Variants in TMC7 observed in about 807,000 individuals in gnomAD.
TMC7 encodes the protein transmembrane channel-like protein 7.
Under a neutral mutation model 82.9 loss-of-function variants are expected in TMC7, and 54 were observed. The observed-to-expected ratio is 0.65, with a 90% CI of 0.52 to 0.82. The LOEUF (loss-of-function observed/expected upper bound fraction) is 0.82. Ranked by LOEUF, TMC7 falls within the 40% of genes least tolerant of loss-of-function variation. The pLI is 0.00. For missense variants in TMC7, 820 were observed against 901.2 expected, an observed-to-expected ratio of 0.91 and a Z score of 1.15; for synonymous variants, 350 against 337.9, an observed-to-expected ratio of 1.04 and a Z score of -0.39.
At chr16:19,037,572 G>A (rs1960813468) in intron 7 of TMC7, among the ~76,000 whole-genome samples, 1 of 150,630 alleles carries the variant, frequency 6.6e-6, no homozygotes, top group Admixed American at 6.7e-5. Context: ...CCGGGCTCAA[G>A]CAATCTTCCA....
chr16:19,036,818 CAAAT>C (rs1246689643), intron 7 of TMC7, among the ~76,000 whole-genome samples: 1 of 151,788 alleles, frequency 6.6e-6, no homozygotes. Flanking sequence ...GAGGAGGGGA[CAAAT>C]AAATCAAAAG....
intron 12 of TMC7, chr16:19,049,593 T>A: frequency 2.0e-6 from 2 of 985,068 alleles, no homozygotes; most frequent in Non-Finnish European, 2.4e-6. Context: ...CACAGGAACT[T>A]TTTTTTCCCT....
intron 2 of TMC7, among the ~76,000 whole-genome samples, chr16:19,013,232 T>C (rs1454172214): frequency 6.6e-6 from 1 of 152,018 alleles, no homozygotes; most frequent in Non-Finnish European, 1.5e-5. Context: ...TATTTATTTA[T>C]TTTTAGACGG....
At chr16:19,003,386 G>T (rs1483469483) in intron 1 of TMC7, among the ~76,000 whole-genome samples, 1 of 146,648 alleles carries the variant, frequency 6.8e-6, no homozygotes, top group African/African-American at 2.6e-5. Flanking sequence ...CCGGCCAGCC[G>T]CCCCGTCCGG....
At chr16:18,984,343 C>G in intron 1 of TMC7, 1 of 1,297,358 alleles carries the variant, frequency 7.7e-7, no homozygotes, top group South Asian at 2.3e-5. Flanking sequence ...TGGAACCCAG[C>G]CGGGCCAAAA....
chr16:18,999,695 G>A (rs1455927915), intron 1 of TMC7, among the ~76,000 whole-genome samples: 3 of 152,202 alleles, frequency 2.0e-5, no homozygotes, highest in African/African-American at 7.2e-5. Flanking sequence ...CACTGGCTTT[G>A]GAGGGCTTCT....
At chr16:19,032,849 G>A (rs143263191) in intron 6 of TMC7, among the ~76,000 whole-genome samples, 2,674 of 152,220 alleles carry the variant, frequency 0.018, 78 homozygotes, top group African/African-American at 0.061. Context: ...GGCTGGTCTC[G>A]AACTTCTGAC....
In TMC7 at chr16:19,056,687, A is replaced by C. The variant is rs1230596833; in HGVS notation, c.2017A>C (p.Met673Leu). 13 of 1,613,700 alleles carry C rather than the reference A, an allele frequency of 8.1e-6. No individual in the cohort carries two copies. The highest frequency in any genetic ancestry group is 1.1e-5 in the Non-Finnish European group (13 of 1,179,908). The change falls in exon 14 of 16, where the codon ATG becomes CTG. Residue 673 changes from methionine (M) to leucine (L), a missense_variant. Around this residue, in one of 2 missense-constraint regions of TMC7, gnomAD observed 170 missense variants for 231.3 expected, o/e 0.74. Transcript: ENST00000304381. ...TSEAFAVPFF[M>L]IICLIMFYFI... is the part of the protein sequence containing the mutation. ...CGAAGCCTTTGCAGTTCCTTTCTTC[A>C]TGATTATTTGGTGAGTGAGAACCAC...
chr16:19,022,434 A>G (rs1472250268), intron 4 of TMC7, among the ~76,000 whole-genome samples: 1 of 152,202 alleles, frequency 6.6e-6, no homozygotes, highest in African/African-American at 2.4e-5. Flanking sequence ...TAAGATTATA[A>G]TACTGGATTT....
At chr16:19,028,381 T>TA (rs11367912) in intron 5 of TMC7, among the ~76,000 whole-genome samples, 1 of 151,134 alleles carries the variant, frequency 6.6e-6, no homozygotes, top group Non-Finnish European at 1.5e-5. Context: ...CTTTTTTATT[T>TA]AAAAAAAAAG....
intron 15 of TMC7, chr16:19,059,720 A>G: frequency 6.6e-7 from 1 of 1,511,870 alleles, no homozygotes; most frequent in Admixed American, 2.0e-5. Flanking sequence ...TCATGCCTGT[A>G]ATCCCAGCAC....
chr16:19,004,151 C>G (rs1251316119), intron 1 of TMC7, among the ~76,000 whole-genome samples: 1 of 151,528 alleles, frequency 6.6e-6, no homozygotes, highest in Non-Finnish European at 1.5e-5. Context: ...GTGTTATATG[C>G]AAACGAGGGG....
intron 2 of TMC7, among the ~76,000 whole-genome samples, chr16:19,015,380 G>T (rs564259659): frequency 6.6e-6 from 1 of 151,964 alleles, no homozygotes; most frequent in East Asian, 1.9e-4. Context: ...TCCTGCCTCA[G>T]CCTCCCAAAG....
At chr16:19,002,566 C>G (rs1009251427) in intron 1 of TMC7, among the ~76,000 whole-genome samples, 2 of 152,104 alleles carry the variant, frequency 1.3e-5, no homozygotes, top group Non-Finnish European at 2.9e-5. Flanking sequence ...GAGCAAGACA[C>G]CGCTTTTAAG....
chr16:19,027,107 G>T (rs1467138310), intron 5 of TMC7, among the ~76,000 whole-genome samples: 1 of 112,796 alleles, frequency 8.9e-6, no homozygotes, highest in Non-Finnish European at 1.7e-5. Flanking sequence ...GTCTCGCTCT[G>T]TCACCAGGCT....
intron 8 of TMC7, among the ~76,000 whole-genome samples, chr16:19,039,119 C>G (rs1412526791): frequency 7.4e-6 from 1 of 135,132 alleles, no homozygotes; most frequent in African/African-American, 2.8e-5. Context: ...GAGACAGAGT[C>G]TCACTCTGTC....
chr16:19,038,852 G>C (rs981369963), intron 8 of TMC7, among the ~76,000 whole-genome samples: 1 of 152,078 alleles, frequency 6.6e-6, no homozygotes, highest in Non-Finnish European at 1.5e-5. Context: ...AAAGTGTAGT[G>C]TTTGAGATCC....
chr16:19,044,790 AAAAG>A (rs1961186704), intron 9 of TMC7, 90 bp from the exon 10 acceptor site: 10 of 692,510 alleles, frequency 1.4e-5, no homozygotes, highest in East Asian at 2.8e-5. Flanking sequence ...AAAAAAAAAA[AAAAG>A]GCAGCTTCTA....
intron 4 of TMC7, 88 bp downstream of exon 4, chr16:19,021,884 TC>T (rs1959995357): frequency 6.8e-7 from 1 of 1,473,622 alleles, no homozygotes; most frequent in African/African-American, 1.4e-5. Flanking sequence ...GAATCTTTAT[TC>T]TAATTCTTGG....
Sources: gnomAD v4.1 joint callset for allele counts (sites outside exome capture counted in the v4.1 genomes callset) on GRCh38, gnomAD v4.1.1 for gene constraint, gnomAD v4.1.1 regional missense constraint, MANE v1.5 for transcripts, NCBI Gene and HGNC (gene_info 2026-07-23, HGNC 2026-07-21) for gene names.